MDGA2: variants seen among roughly 807,000 people sequenced by gnomAD.
The protein encoded by MDGA2 is MAM domain-containing glycosylphosphatidylinositol anchor protein 2.
In MDGA2, 40 loss-of-function variants were observed where a neutral mutation model predicts 117.8. The ratio of observed to expected loss-of-function variants is 0.34; its 90% CI spans 0.26 to 0.44. The LOEUF (loss-of-function observed/expected upper bound fraction) is 0.44, where lower values mean the gene tolerates loss of function less well. Ranked by LOEUF, MDGA2 falls within the 20% of genes least tolerant of loss-of-function variation. The pLI is 1.00. For missense variants in MDGA2, 1,123 were observed against 1,250.6 expected, an observed-to-expected ratio of 0.90 and a Z score of 1.54; for synonymous variants, 452 against 439.0, an observed-to-expected ratio of 1.03 and a Z score of -0.37.
intron 5 of MDGA2, among the ~76,000 whole-genome samples, chr14:47,105,429 G>T (rs1330373653): frequency 6.6e-6 from 1 of 151,194 alleles, no homozygotes; most frequent in African/African-American, 2.4e-5. Flanking sequence ...CTTCACTATG[G>T]GTAAGCTTCC....
At chr14:47,242,598 C>T (rs993527457) in intron 2 of MDGA2, among the ~76,000 whole-genome samples, 22 of 151,826 alleles carry the variant, frequency 1.4e-4, no homozygotes, top group Non-Finnish European at 1.9e-4. Flanking sequence ...CCAGTGGCTG[C>T]GGAGGGTGTA....
At chr14:47,331,319 A>G (rs1890287437) in intron 1 of MDGA2, among the ~76,000 whole-genome samples, 1 of 151,926 alleles carries the variant, frequency 6.6e-6, no homozygotes, top group Non-Finnish European at 1.5e-5. Flanking sequence ...AAAGAAAAAT[A>G]TAATTTCCTG....
intron 9 of MDGA2, among the ~76,000 whole-genome samples, chr14:46,951,220 A>G (rs1885360470): frequency 6.6e-6 from 1 of 152,010 alleles, no homozygotes; most frequent in African/African-American, 2.4e-5. Flanking sequence ...GAAAGGGATT[A>G]AACTATGAAG....
chr14:47,238,740 G>A (rs1297891433), intron 2 of MDGA2, among the ~76,000 whole-genome samples: 1 of 151,438 alleles, frequency 6.6e-6, no homozygotes, highest in Non-Finnish European at 1.5e-5. Context: ...GAAAGTAAAA[G>A]TTCAGGAACA....
intron 9 of MDGA2, among the ~76,000 whole-genome samples, chr14:46,939,141 A>G (rs1954238): frequency 0.65 from 98,139 of 151,880 alleles, 32,597 homozygotes; most frequent in African/African-American, 0.8. Flanking sequence ...AGAATAGGGC[A>G]AGATTTTTGA....
chr14:46,867,869 T>C (rs1013774970), intron 14 of MDGA2, among the ~76,000 whole-genome samples: 3 of 151,996 alleles, frequency 2.0e-5, no homozygotes, highest in African/African-American at 7.2e-5. Flanking sequence ...TTTACTTTAG[T>C]TGCCAGAGCA....
rs145810835 is a variant in MDGA2 at position 47,184,530 on chromosome 14, G to A, written c.595+33491C>T. Among the ~76,000 whole-genome samples the A allele has an allele frequency of 7.5e-3, 1,143 of 151,786 alleles. 51 individuals are homozygous for A. The highest frequency in any genetic ancestry group is 0.066 in the Admixed American group (1,003 of 15,204). On this transcript the variant is annotated intron_variant, in intron 3 of 16. Transcript: ENST00000399232. The stretch of plus-strand genomic sequence containing the variant: ...TTTCTTTCTCTTCCCAAGTTCTTAC[G>A]CTATTTCATCACCTATAAGACTAGC...
intron 3 of MDGA2, among the ~76,000 whole-genome samples, chr14:47,166,209 T>C (rs1242748814): frequency 1.3e-5 from 2 of 151,962 alleles, no homozygotes; most frequent in Non-Finnish European, 2.9e-5. Flanking sequence ...CTAATTTTTG[T>C]ATTTTTAGTA....
At chr14:47,252,836 C>T (rs1887492904) in intron 2 of MDGA2, among the ~76,000 whole-genome samples, 1 of 152,138 alleles carries the variant, frequency 6.6e-6, no homozygotes, top group Admixed American at 6.5e-5. Flanking sequence ...TAAAGAATTA[C>T]CTGAGACTGG....
At chr14:47,307,686 G>C (rs1444615019) in intron 1 of MDGA2, among the ~76,000 whole-genome samples, 1 of 125,878 alleles carries the variant, frequency 7.9e-6, no homozygotes, top group Admixed American at 7.6e-5. Context: ...ATACTCTGTG[G>C]GGGGGAAAAA....
At chr14:47,525,231 G>C (rs903087581) in intron 1 of MDGA2, among the ~76,000 whole-genome samples, 1 of 152,120 alleles carries the variant, frequency 6.6e-6, no homozygotes, top group Non-Finnish European at 1.5e-5. Flanking sequence ...TCACTTACTC[G>C]TTTCTGGTTT....
chr14:47,049,142 G>A (rs903726832), intron 7 of MDGA2, among the ~76,000 whole-genome samples: 2 of 152,002 alleles, frequency 1.3e-5, no homozygotes, highest in African/African-American at 2.4e-5. Context: ...GACTACTTAC[G>A]TTTCATTTAC....
At chr14:47,562,896 A>C (rs556243173) in intron 1 of MDGA2, among the ~76,000 whole-genome samples, 4 of 152,232 alleles carry the variant, frequency 2.6e-5, no homozygotes, top group African/African-American at 9.6e-5. Flanking sequence ...ACACTGCCTT[A>C]GCTGTGTCCC....
intron 1 of MDGA2, among the ~76,000 whole-genome samples, chr14:47,351,238 T>G (rs1890874202): frequency 6.6e-6 from 1 of 151,916 alleles, no homozygotes; most frequent in South Asian, 2.1e-4. Flanking sequence ...CCTGCCACCA[T>G]GCCCCGCTAA....
intron 1 of MDGA2, among the ~76,000 whole-genome samples, chr14:47,653,959 G>C (rs74384914): frequency 0.045 from 6,917 of 152,276 alleles, 144 homozygotes; most frequent in Middle Eastern, 0.068. Context: ...TTTTAGCTCA[G>C]TGAGACCCAT....
intron 1 of MDGA2, among the ~76,000 whole-genome samples, chr14:47,502,907 C>T (rs1894427313): frequency 6.6e-6 from 1 of 151,806 alleles, no homozygotes; most frequent in South Asian, 2.1e-4. Context: ...GTCTCAAACT[C>T]CTGACTTTAA....
chr14:46,878,610 C>A (rs1390795750), intron 11 of MDGA2, among the ~76,000 whole-genome samples: 1 of 151,908 alleles, frequency 6.6e-6, no homozygotes, highest in Non-Finnish European at 1.5e-5. Flanking sequence ...AGACAATTCC[C>A]ATTACTGTAG....
intron 1 of MDGA2, among the ~76,000 whole-genome samples, chr14:47,473,708 C>T (rs1893776643): frequency 6.6e-6 from 1 of 151,920 alleles, no homozygotes. Flanking sequence ...ATAAACAGAA[C>T]TAAAGACAAA....
intron 8 of MDGA2, among the ~76,000 whole-genome samples, chr14:47,011,060 G>A (rs945825826): frequency 2.6e-5 from 4 of 151,932 alleles, no homozygotes; most frequent in African/African-American, 9.7e-5. Flanking sequence ...TTACTTTGGA[G>A]AATAAAGAAA....
Sources: allele counts gnomAD v4.1 joint callset (sites outside exome capture counted in the v4.1 genomes callset), GRCh38; gene constraint gnomAD v4.1.1; transcripts MANE v1.5; gene names NCBI Gene and HGNC (gene_info 2026-07-23, HGNC 2026-07-21).